AKAP12: variants seen among roughly 807,000 people sequenced by gnomAD.
The protein encoded by AKAP12 is A-kinase anchor protein 12.
AKAP12 carries 32 observed loss-of-function variants against 79.9 expected under a neutral mutation model. That is an observed-to-expected ratio of 0.40 (90% CI 0.30 to 0.54). The LOEUF (loss-of-function observed/expected upper bound fraction) is 0.54. Among genes scored for constraint, AKAP12 ranks in the 20% least tolerant of loss-of-function variants. AKAP12 has a pLI of 0.48. For synonymous variants in AKAP12, 808 were observed against 857.0 expected, an observed-to-expected ratio of 0.94 and a Z score of 1.00; for missense variants, 2,074 against 2,177.0, an observed-to-expected ratio of 0.95 and a Z score of 0.94.
intron 2 of AKAP12, among the ~76,000 whole-genome samples, chr6:151,271,728 C>T (rs776268688): frequency 9.2e-5 from 14 of 152,084 alleles, no homozygotes; most frequent in Non-Finnish European, 1.9e-4. Context: ...GGTGCGATTT[C>T]GGCTCACTGC....
At chr6:151,268,941 G>A (rs1433682031) in intron 2 of AKAP12, among the ~76,000 whole-genome samples, 1 of 121,624 alleles carries the variant, frequency 8.2e-6, no homozygotes, top group Admixed American at 9.5e-5. Context: ...ACCGTGCTCG[G>A]CCTGTTTTTT....
intron 2 of AKAP12, among the ~76,000 whole-genome samples, chr6:151,262,590 CAAGTTCAAACACTTG>C (rs1184681556): frequency 8.9e-6 from 1 of 111,904 alleles, no homozygotes; most frequent in African/African-American, 3.6e-5. Context: ...ACTTCAACTT[CAAGTTCAAACACTTG>C]AAGTTCAAAA....
chr6:151,323,580 T>G (rs1582881345), intron 3 of AKAP12: 2 of 431,490 alleles, frequency 4.6e-6, no homozygotes, highest in Non-Finnish European at 6.2e-6. Context: ...AAATCAGATG[T>G]GTTAGCGTCT....
Position 151,273,450 on chromosome 6 carries a change from G to A in AKAP12, c.163-32297G>A, listed in dbSNP as rs116046493. Among the ~76,000 whole-genome samples the A allele has an allele frequency of 7.1e-3, 1,078 of 152,278 alleles. 9 individuals carry two copies. Among genetic ancestry groups the A allele is most frequent in the African/African-American group, 0.024 (985 of 41,560 alleles). ...ATTCACATCCAGTGATGACTCTCGC[G>A]TAAATCACTGTGAAATGGTGACTTT... On this transcript the variant is annotated intron_variant, in intron 2 of 4. Transcript: ENST00000402676.
intron 2 of AKAP12, among the ~76,000 whole-genome samples, chr6:151,269,163 A>T (rs1175080229): frequency 5.9e-5 from 9 of 151,798 alleles, no homozygotes; most frequent in African/African-American, 1.9e-4. Context: ...AGACAGTACA[A>T]GTGGCTTTTT....
intron 2 of AKAP12, among the ~76,000 whole-genome samples, chr6:151,301,065 A>T (rs965369981): frequency 6.6e-6 from 1 of 152,224 alleles, no homozygotes; most frequent in Non-Finnish European, 1.5e-5. Context: ...GTTTGGTAAC[A>T]GTTAAGTCCC....
Position 151,353,503 on chromosome 6 carries a change from T to C in AKAP12, c.5112T>C (p.Val1704=). 1.9e-6 allele frequency: 3 copies of C among 1,614,190 alleles called. No individual in the cohort carries two copies. In the South Asian group the frequency reaches 3.3e-5, roughly 18 times the overall value. The change falls in exon 4 of 5, where the codon GTT becomes GTC. Residue 1704 remains valine (V), a synonymous_variant. Transcript: ENST00000402676. The part of the protein sequence containing the change: ...EPKEDEKGDD[V]DDPENQNSAL... ...AAGAAGATGAAAAAGGTGATGATGT[T>C]GATGACCCTGAAAACCAGAACTCAG...
chr6:151,306,217 A>G (rs917777741), intron 3 of AKAP12, among the ~76,000 whole-genome samples: 2 of 152,170 alleles, frequency 1.3e-5, no homozygotes, highest in East Asian at 1.9e-4. Context: ...AAGAGTCATT[A>G]TCTCTCCCTC....
At chr6:151,244,458 A>G (rs1443126719) in intron 2 of AKAP12, among the ~76,000 whole-genome samples, 1 of 152,130 alleles carries the variant, frequency 6.6e-6, no homozygotes, top group Admixed American at 6.5e-5. Flanking sequence ...CGGGAAGCGG[A>G]GTTTGCAATG....
Position 151,275,227 on chromosome 6 carries a change from A to G in AKAP12, c.163-30520A>G, listed in dbSNP as rs573402789. ...TCTGTTCCCCAGCAAGGGGATCTAA[A>G]CCGTTTTTCTTCCCAGCTCTTGCTT... On this transcript the variant is annotated intron_variant, in intron 2 of 4. Transcript: ENST00000402676. 1.1e-4 allele frequency among the ~76,000 whole-genome samples: 16 copies of G among 152,176 alleles called. No homozygotes were observed. The East Asian group carries it at 2.5e-3, about 24-fold the overall frequency.
chr6:151,281,429 G>T (rs553853899), intron 2 of AKAP12, among the ~76,000 whole-genome samples: 3 of 152,176 alleles, frequency 2.0e-5, no homozygotes, highest in African/African-American at 7.2e-5. Context: ...TCTATGTATT[G>T]GTTCGCTATT....
intron 3 of AKAP12, among the ~76,000 whole-genome samples, chr6:151,335,967 T>G (rs558430426): frequency 6.6e-6 from 1 of 152,342 alleles, no homozygotes; most frequent in East Asian, 1.9e-4. Flanking sequence ...ATTTCCATCT[T>G]TATGTCCCTG....
intron 3 of AKAP12, 183 bp from the exon 4 acceptor site, chr6:151,348,528 A>G: frequency 4.8e-6 from 3 of 620,108 alleles, no homozygotes; most frequent in Non-Finnish European, 8.6e-6. Flanking sequence ...AGTCCCAGCT[A>G]CTCGGGATGC....
At chr6:151,293,682 C>G (rs936251979) in intron 2 of AKAP12, among the ~76,000 whole-genome samples, 1 of 152,116 alleles carries the variant, frequency 6.6e-6, no homozygotes, top group Non-Finnish European at 1.5e-5. Context: ...AAGTCAGGTG[C>G]TTTTTTGTTA....
chr6:151,280,303 A>C (rs575790993), intron 2 of AKAP12, among the ~76,000 whole-genome samples: 7 of 151,964 alleles, frequency 4.6e-5, no homozygotes, highest in Non-Finnish European at 1.0e-4. Context: ...TGATATATAA[A>C]ATGAAAATTA....
rs1778211185 is a variant in AKAP12 at position 151,349,380 on chromosome 6, A to G, written c.989A>G (p.Gln330Arg). The change falls in exon 4 of 5, where the codon CAA (glutamine) becomes CGA (arginine). Residue 330 changes from glutamine to arginine, a missense_variant. Physicochemically the swap from Gln to Arg is conservative, Grantham distance 43. Around this residue, in one of 3 missense-constraint regions of AKAP12, gnomAD observed 1,428 missense variants for 1,451.0 expected, o/e 0.98. Coordinates refer to ENST00000402676, the MANE Select transcript of AKAP12 (RefSeq NM_005100.4). ...EVEASEKKKE[Q>R]EPEKVDTEED... ...GAAGCTTCAGAGAAGAAAAAGGAACAAGAGCCAGAAAAAGTAGACACAGAA... is the reference window on the plus strand; with the variant it reads ...GAAGCTTCAGAGAAGAAAAAGGAACGAGAGCCAGAAAAAGTAGACACAGAA... 1 of 1,613,866 alleles carries G rather than the reference A, an allele frequency of 6.2e-7. No homozygotes were observed. The highest frequency in any genetic ancestry group is 1.1e-5 in the South Asian group (1 of 91,080).
intron 3 of AKAP12, among the ~76,000 whole-genome samples, chr6:151,311,045 G>A (rs749005337): frequency 3.9e-5 from 6 of 152,088 alleles, no homozygotes; most frequent in Non-Finnish European, 7.4e-5. Context: ...ATGGTTCGAC[G>A]TAGCCTCAAA....
intron 2 of AKAP12, among the ~76,000 whole-genome samples, chr6:151,289,095 G>C (rs1287705760): frequency 6.6e-6 from 1 of 152,152 alleles, no homozygotes; most frequent in Non-Finnish European, 1.5e-5. Context: ...GATATTGCTG[G>C]ACATAGGTTT....
chr6:151,313,996 C>G (rs536532032), intron 3 of AKAP12, among the ~76,000 whole-genome samples: 51 of 151,898 alleles, frequency 3.4e-4, no homozygotes, highest in African/African-American at 1.2e-3. Context: ...TTCCGTTATG[C>G]CTTTTTATAA....
Sources: gnomAD v4.1 joint callset for allele counts (sites outside exome capture counted in the v4.1 genomes callset) on GRCh38, gnomAD v4.1.1 for gene constraint, gnomAD v4.1.1 regional missense constraint, MANE v1.5 for transcripts, NCBI Gene and HGNC (gene_info 2026-07-23, HGNC 2026-07-21) for gene names.